Variants in LRP1B observed in about 807,000 individuals in gnomAD.
LRP1B encodes the protein low-density lipoprotein receptor-related protein 1B.
In LRP1B, 217 loss-of-function variants were observed where a neutral mutation model predicts 556.6. That is an observed-to-expected ratio of 0.39 (90% CI 0.35 to 0.44). The LOEUF (loss-of-function observed/expected upper bound fraction) is 0.44. LRP1B is among the 20% of genes least tolerant of loss of function. The pLI, the probability that LRP1B is intolerant of heterozygous loss-of-function variation, is 1.00. For synonymous variants in LRP1B, 2,047 were observed against 1,865.8 expected (o/e 1.10, Z -2.50); for missense variants, 5,053 against 5,620.8 (o/e 0.90, Z 3.23).
At chr2:141,830,989 C>T (rs762485168) in intron 1 of LRP1B, among the ~76,000 whole-genome samples, 23 of 151,706 alleles carry the variant, frequency 1.5e-4, no homozygotes, top group Admixed American at 1.2e-3. Context: ...TAGACATATA[C>T]ATGGAATGAA....
chr2:140,464,219 A>T (rs547924344), intron 60 of LRP1B, among the ~76,000 whole-genome samples: 1 of 151,616 alleles, frequency 6.6e-6, no homozygotes, highest in African/African-American at 2.4e-5. Flanking sequence ...ATAATAATAA[A>T]TAAAATAAAA....
chr2:142,003,268 C>T (rs963726652), intron 1 of LRP1B, among the ~76,000 whole-genome samples: 1 of 152,192 alleles, frequency 6.6e-6, no homozygotes. Context: ...ATATCAAATG[C>T]CTAATGCACA....
chr2:141,213,057 C>T (rs115663416), intron 6 of LRP1B, among the ~76,000 whole-genome samples: 2,694 of 152,092 alleles, frequency 0.018, 34 homozygotes, highest in Middle Eastern at 0.028. Context: ...GCCTCAACAT[C>T]CCTGGCTCTG....
intron 2 of LRP1B, among the ~76,000 whole-genome samples, chr2:141,706,285 T>C (rs973681196): frequency 2.6e-5 from 4 of 152,240 alleles, no homozygotes; most frequent in Admixed American, 2.6e-4. Flanking sequence ...TTGATTGGAT[T>C]GTCTTCTCCG....
rs1456236232 is a variant in LRP1B, at chr2:140,358,816, T to C, written c.11257+5A>G. 6.2e-7 allele frequency: 1 copy of C among 1,606,688 alleles called. No individual in the cohort carries two copies. Among genetic ancestry groups the C allele is most frequent in the Non-Finnish European group, 8.5e-7 (1 of 1,174,782 alleles). On this transcript the variant is annotated splice_donor_5th_base_variant and intron_variant, in intron 73 of 90. Transcript: ENST00000389484. ...ACTGAATTATTTCACATTAAATGCA[T>C]TTACCACCACAGTGATCTTCATCTG...
At chr2:140,940,688 T>A (rs1336660536) in intron 20 of LRP1B, among the ~76,000 whole-genome samples, 1 of 152,168 alleles carries the variant, frequency 6.6e-6, no homozygotes, top group Non-Finnish European at 1.5e-5. Context: ...GCATTTGAAT[T>A]GATTCCATGT....
intron 47 of LRP1B, 122 bp from the exon 48 acceptor site, chr2:140,526,472 A>G (rs7562323): frequency 0.97 from 637,971 of 655,122 alleles, 311,592 homozygotes; most frequent in Non-Finnish European, 1. Flanking sequence ...AACTCTGGGA[A>G]GCCAAACTTG....
Position 140,506,928 on chromosome 2 carries a change from G to A in LRP1B, c.8399-10C>T, listed in dbSNP as rs770113049. The A allele has an allele frequency of 1.9e-6, 3 of 1,611,684 alleles. No homozygotes were observed. The highest frequency in any genetic ancestry group is 2.7e-5 in the African/African-American group (2 of 74,780). The stretch of plus-strand genomic sequence containing the variant: ...CATGTATTATTGGGAGCTAAGAAAG[G>A]CATCACAAAAAATAAAGTTAGATGA... On this transcript the variant is annotated splice_polypyrimidine_tract_variant and intron_variant, in intron 52 of 90. Coordinates refer to ENST00000389484, the MANE Select transcript of LRP1B (RefSeq NM_018557.3).
chr2:140,879,603 T>C (rs1320091886), intron 25 of LRP1B, among the ~76,000 whole-genome samples: 2 of 152,144 alleles, frequency 1.3e-5, no homozygotes, highest in Non-Finnish European at 2.9e-5. Context: ...TTCTAGGTAC[T>C]CCTTCATATA....
chr2:140,971,874 T>C (rs1696437117), intron 18 of LRP1B, among the ~76,000 whole-genome samples: 1 of 152,058 alleles, frequency 6.6e-6, no homozygotes. Flanking sequence ...TTTCCGAAAA[T>C]ACAGATTCCT....
chr2:140,320,638 G>A (rs143322611), intron 82 of LRP1B, among the ~76,000 whole-genome samples: 3 of 151,868 alleles, frequency 2.0e-5, no homozygotes, highest in Admixed American at 6.6e-5. Context: ...ATGTTGCCCA[G>A]GCAGGTCTCG....
chr2:141,734,420 A>G (rs1464704268), intron 2 of LRP1B, among the ~76,000 whole-genome samples: 1 of 152,044 alleles, frequency 6.6e-6, no homozygotes, highest in Non-Finnish European at 1.5e-5. Context: ...TATAAATAAT[A>G]TTTAAAACAT....
At chr2:141,142,564 T>C (rs1434227145) in intron 7 of LRP1B, among the ~76,000 whole-genome samples, 3 of 152,210 alleles carry the variant, frequency 2.0e-5, no homozygotes, top group South Asian at 2.1e-4. Flanking sequence ...CAGAACATGA[T>C]TGAAAGCAAT....
intron 43 of LRP1B, among the ~76,000 whole-genome samples, chr2:140,592,932 C>A (rs895684575): frequency 7.7e-5 from 7 of 90,518 alleles, no homozygotes; most frequent in Non-Finnish European, 1.2e-4. Context: ...AAAGTGAGAT[C>A]CTGACACACA....
chr2:141,970,920 A>T (rs2105074618), intron 1 of LRP1B, among the ~76,000 whole-genome samples: 1 of 151,654 alleles, frequency 6.6e-6, no homozygotes, highest in African/African-American at 2.4e-5. Flanking sequence ...CTAGCTCTAG[A>T]TTTAGATGAT....
chr2:141,109,270 T>A (rs1284978614), intron 7 of LRP1B, among the ~76,000 whole-genome samples: 3 of 152,150 alleles, frequency 2.0e-5, no homozygotes, highest in Non-Finnish European at 4.4e-5. Flanking sequence ...GGGAGGCCAA[T>A]TTGATTAATA....
chr2:140,280,083 G>A (rs1327578237), intron 84 of LRP1B, among the ~76,000 whole-genome samples: 1 of 151,754 alleles, frequency 6.6e-6, no homozygotes, highest in Non-Finnish European at 1.5e-5. Context: ...ATATGGAGAA[G>A]TAGGCAAATC....
chr2:140,875,769 G>A (rs1238975882), intron 25 of LRP1B, among the ~76,000 whole-genome samples: 1 of 152,122 alleles, frequency 6.6e-6, no homozygotes, highest in African/African-American at 2.4e-5. Flanking sequence ...GTGAAATGGT[G>A]TTCAGTTTTC....
chr2:141,345,231 A>G (rs1360444388), intron 3 of LRP1B, among the ~76,000 whole-genome samples: 6 of 151,880 alleles, frequency 4.0e-5, no homozygotes, highest in Non-Finnish European at 8.8e-5. Flanking sequence ...CAACACACCA[A>G]TACTGCCCAC....
Sources: allele counts gnomAD v4.1 joint callset (sites outside exome capture counted in the v4.1 genomes callset), GRCh38; gene constraint gnomAD v4.1.1; transcripts MANE v1.5; gene names NCBI Gene and HGNC (gene_info 2026-07-23, HGNC 2026-07-21).